RNF41: variants seen among roughly 807,000 people sequenced by gnomAD.
RNF41 encodes the protein ring finger protein 41, also known as E3 ubiquitin-protein ligase NRDP1.
Under a neutral mutation model 33.0 loss-of-function variants are expected in RNF41, and 4 were observed. The observed-to-expected ratio is 0.12, with a 90% CI of 0.06 to 0.28. The LOEUF (loss-of-function observed/expected upper bound fraction) is 0.28, where lower values mean the gene tolerates loss of function less well. Among genes scored for constraint, RNF41 ranks in the 10% least tolerant of loss-of-function variants. The pLI is 1.00. For synonymous variants in RNF41, 164 were observed against 153.2 expected (o/e 1.07, Z -0.52); for missense variants, 228 against 432.6 (o/e 0.53, Z 4.19).
At chr12:56,220,980 G>A (rs929004118) in intron 1 of RNF41, among the ~76,000 whole-genome samples, 1 of 152,070 alleles carries the variant, frequency 6.6e-6, no homozygotes, top group East Asian at 1.9e-4. Flanking sequence ...TGTATAGAAA[G>A]GGATAACACT....
chr12:56,209,451 T>A (rs1038058752), intron 4 of RNF41, among the ~76,000 whole-genome samples: 10 of 150,118 alleles, frequency 6.7e-5, no homozygotes, highest in African/African-American at 2.5e-4. Context: ...CCACCACACT[T>A]GGCTAATTTT....
intron 2 of RNF41, among the ~76,000 whole-genome samples, chr12:56,215,859 C>T (rs1034059714): frequency 3.3e-5 from 5 of 151,980 alleles, no homozygotes; most frequent in African/African-American, 1.2e-4. Context: ...CAGTGGCTCA[C>T]GCCTGTAATC....
At chr12:56,219,740 C>T (rs1045160802) in intron 1 of RNF41, among the ~76,000 whole-genome samples, 25 of 151,562 alleles carry the variant, frequency 1.6e-4, no homozygotes, top group Non-Finnish European at 2.5e-4. Context: ...GGAGGCTGGA[C>T]GCAGTGGCTC....
chr12:56,209,794 A>T (rs1349654609), intron 4 of RNF41, among the ~76,000 whole-genome samples: 1 of 152,146 alleles, frequency 6.6e-6, no homozygotes, highest in Non-Finnish European at 1.5e-5. Flanking sequence ...AGTAGAGACA[A>T]GGTTTTGCCA....
chr12:56,203,023 C>T lies in RNF41; in HGVS notation c.*3424G>A, dbSNP rs1224631057. The T allele has an allele frequency of 7.1e-6, 1 of 140,634 alleles. No homozygotes were observed. The highest frequency in any genetic ancestry group is 2.6e-5 in the African/African-American group (1 of 38,856). The allele number at this position is 140,634 out of a possible 1,614,324, so 8.7% of individuals were successfully genotyped here. The stretch of plus-strand genomic sequence containing the variant: ...GCTTATCAGTATTTTATAAACATAC[C>T]TTGTGTGCATAGAAGCGCAGACTCA... On this transcript the variant is annotated 3_prime_UTR_variant, in exon 7 of 7. Transcript: ENST00000345093.
intron 4 of RNF41, 200 bp downstream of exon 4, chr12:56,210,097 T>C (rs1028511362): frequency 8.3e-6 from 5 of 601,180 alleles, no homozygotes; most frequent in Non-Finnish European, 1.5e-5. Context: ...GCCCCTTCTT[T>C]TGTTAAAGCA....
At chr12:56,219,446 C>T (rs1162260079) in intron 1 of RNF41, among the ~76,000 whole-genome samples, 16 of 151,560 alleles carry the variant, frequency 1.1e-4, no homozygotes, top group African/African-American at 3.9e-4. Flanking sequence ...CTGCCTGCCT[C>T]GGCCTCCCAA....
At chr12:56,221,739 T>A (rs373166761) in intron 1 of RNF41, 21 bp downstream of exon 1, 1 of 152,130 alleles carries the variant, frequency 6.6e-6, no homozygotes, top group African/African-American at 2.4e-5. Flanking sequence ...AGGTGGAAGA[T>A]CGCGCAGGCG....
Position 56,210,047 on chromosome 12 carries a change from C to G in RNF41, c.362+250G>C. On this transcript the variant is annotated intron_variant, in intron 4 of 6. Coordinates refer to ENST00000345093, the MANE Select transcript of RNF41 (RefSeq NM_005785.4). ...ACTGAAAGGGAAGAATAGAGTCAATCAAGCTTTAATGTTATTACACAAATT... is the reference window on the plus strand; with the variant it reads ...ACTGAAAGGGAAGAATAGAGTCAATGAAGCTTTAATGTTATTACACAAATT... 5.7e-6 allele frequency: 3 copies of G among 525,098 alleles called. No homozygotes were observed. In the South Asian group the frequency reaches 7.4e-5, roughly 13 times the overall value. The allele number at this position is 525,098 out of a possible 1,614,324, so 32.5% of individuals were successfully genotyped here.
At position 56,208,164 on chromosome 12, in the gene RNF41, T is replaced by C; in HGVS notation, c.497A>G (p.Gln166Arg). Residue 166 changes from glutamine (Q) to arginine (R), a missense_variant and splice_region_variant, in exon 5 of 7, where the codon CAG becomes CGG. This residue lies in a region of RNF41 where 199 missense variants were observed against 334.6 expected (regional missense o/e 0.59). Transcript: ENST00000345093. ...SAEHKHQLAE[Q>R]KRDIQLLKAY... ...TCTCCCCCGTGTCTTGGGGCCTACC[T>C]GCTCCGCCAGCTGGTGTTTGTGTTC... The C allele has an allele frequency of 6.2e-7, 1 of 1,614,196 alleles. No homozygotes were observed. The highest frequency in any genetic ancestry group is 8.5e-7 in the Non-Finnish European group (1 of 1,180,030).
chr12:56,209,420 A>G lies in RNF41; in HGVS notation c.362+877T>C, dbSNP rs1317885723. On this transcript the variant is annotated intron_variant, in intron 4 of 6. Transcript: ENST00000345093. ...ATTCTCATGCCTCAGCCTCCTGAGT[A>G]GCTGGGATTACAGGCGAGCACCACC... 4.7e-5 allele frequency among the ~76,000 whole-genome samples: 7 copies of G among 148,582 alleles called. No homozygotes were observed. In the East Asian group the frequency reaches 1.4e-3, roughly 29 times the overall value.
intron 2 of RNF41, among the ~76,000 whole-genome samples, chr12:56,215,717 CAA>C (rs58103466): frequency 3.3e-3 from 244 of 74,518 alleles, no homozygotes; most frequent in Non-Finnish European, 4.2e-3. Context: ...GACTCTGTCT[CAA>C]AAAAAAAAAA....
Position 56,206,858 on chromosome 12 carries a change from T to TA in RNF41, c.603-61_603-60insT, listed in dbSNP as rs1868275391. 2 of 1,260,244 alleles carry TA rather than the reference T, an allele frequency of 1.6e-6. No homozygotes were observed. The highest frequency in any genetic ancestry group is 3.0e-5 in the African/African-American group (2 of 66,352). 78.1% of individuals were successfully genotyped at this position (1,260,244 alleles called of 1,614,324 possible). A position where few individuals can be genotyped will look rare whatever the true frequency, so the allele number is the denominator to read the frequency against. ...TCATCTCCTTTCTCTGTATTGGCTT[T>TA]TTCTGCTAATAGAAATAACTACCCA... On this transcript the variant is annotated intron_variant, in intron 6 of 6. Transcript: ENST00000345093. This position sits in a 1 kb window ranked among gnomAD's most constrained non-coding sequence, Gnocchi z 5.7.
chr12:56,212,035 G>C (rs1300491589), intron 3 of RNF41, among the ~76,000 whole-genome samples: 1 of 152,162 alleles, frequency 6.6e-6, no homozygotes, highest in African/African-American at 2.4e-5. Flanking sequence ...TGTAATCCCA[G>C]CACTTTGGGA....
intron 3 of RNF41, among the ~76,000 whole-genome samples, chr12:56,212,824 G>A (rs1216130551): frequency 1.3e-5 from 2 of 152,102 alleles, no homozygotes; most frequent in Admixed American, 6.6e-5. Context: ...ATGGGGGAAG[G>A]GCCATGAAAC....
chr12:56,207,538 C>T, intron 6 of RNF41, 108 bp downstream of exon 6: 1 of 900,820 alleles, frequency 1.1e-6, no homozygotes, highest in Non-Finnish European at 1.9e-6. Flanking sequence ...AAGCAGTGAC[C>T]CCCAGCCCAG....
intron 6 of RNF41, 194 bp downstream of exon 6, chr12:56,207,452 C>A (rs888490274): frequency 2.7e-6 from 2 of 751,666 alleles, no homozygotes; most frequent in African/African-American, 1.7e-5. Context: ...TCCACCCAAA[C>A]ACATAAGACA....
chr12:56,210,190 G>A (rs532553735), intron 4 of RNF41, 107 bp downstream of exon 4: 1 of 1,234,530 alleles, frequency 8.1e-7, no homozygotes, highest in East Asian at 2.4e-5. Flanking sequence ...AATACTCCTT[G>A]CCAACATGCC....
chr12:56,207,544 C>G, intron 6 of RNF41, 102 bp downstream of exon 6: 1 of 932,298 alleles, frequency 1.1e-6, no homozygotes, highest in Admixed American at 1.7e-5. Context: ...TGACCCCCAG[C>G]CCAGCTCTCC....
Sources: gnomAD v4.1 joint callset for allele counts (sites outside exome capture counted in the v4.1 genomes callset) on GRCh38, gnomAD v4.1.1 for gene constraint, gnomAD v4.1.1 regional missense constraint, Gnocchi (gnomAD v3.1) non-coding constraint, MANE v1.5 for transcripts, NCBI Gene and HGNC (gene_info 2026-07-23, HGNC 2026-07-21) for gene names.